The following ENTREP2 variants were observed in gnomAD, a reference collection of about 807,000 sequenced individuals.
ENTREP2 encodes the protein protein ENTREP2.
chr15:29,294,635 A>C, the ENTREP2 span, among the ~76,000 whole-genome samples: 3 of 152,186 alleles, frequency 2.0e-5, no homozygotes, highest in Non-Finnish European at 2.9e-5. Flanking sequence ...CCATATATAA[A>C]CAAGGGTAAA....
At chr15:29,303,809 T>C in the ENTREP2 span, among the ~76,000 whole-genome samples, 1 of 152,330 alleles carries the variant, frequency 6.6e-6, no homozygotes, top group East Asian at 1.9e-4. Context: ...TCTATGTTGC[T>C]GCAAAGGACA....
the ENTREP2 span, among the ~76,000 whole-genome samples, chr15:29,449,576 A>G: frequency 2.6e-5 from 4 of 152,270 alleles, no homozygotes; most frequent in Non-Finnish European, 1.5e-5. Context: ...CATGTTAGTC[A>G]CACTAAAGAA....
At chr15:29,479,296 C>A in the ENTREP2 span, among the ~76,000 whole-genome samples, 47 of 152,082 alleles carry the variant, frequency 3.1e-4, no homozygotes, top group African/African-American at 1.0e-3. Flanking sequence ...GCTTTGCCTT[C>A]CTCTGTGAAT....
At chr15:29,556,772 C>T in the ENTREP2 span, among the ~76,000 whole-genome samples, 2 of 150,992 alleles carry the variant, frequency 1.3e-5, no homozygotes, top group African/African-American at 4.9e-5. Flanking sequence ...GCCCCCCCCC[C>T]GCCCCACATG....
At chr15:29,485,205 G>A in the ENTREP2 span, among the ~76,000 whole-genome samples, 5 of 152,274 alleles carry the variant, frequency 3.3e-5, no homozygotes, top group East Asian at 9.7e-4. Context: ...AGCAAAAATG[G>A]AATGGAGAGA....
At chr15:29,576,175 C>T in the ENTREP2 span, among the ~76,000 whole-genome samples, 1 of 152,152 alleles carries the variant, frequency 6.6e-6, no homozygotes, top group Non-Finnish European at 1.5e-5. Flanking sequence ...TAAATAAATC[C>T]ATACATCTAA....
the ENTREP2 span, among the ~76,000 whole-genome samples, chr15:29,372,108 G>A: frequency 6.6e-6 from 1 of 152,250 alleles, no homozygotes; most frequent in South Asian, 2.1e-4. Flanking sequence ...AATTATGGCA[G>A]AAAATACAGT....
the ENTREP2 span, among the ~76,000 whole-genome samples, chr15:29,160,708 CAAAAAAAAAAAAA>C: frequency 2.8e-5 from 1 of 36,266 alleles, no homozygotes; most frequent in South Asian, 1.1e-3. Context: ...GACTCTGTCT[CAAAAAAAAAAAAA>C]AAAAAAAAAA....
chr15:29,447,957 T>C, the ENTREP2 span, among the ~76,000 whole-genome samples: 1 of 151,950 alleles, frequency 6.6e-6, no homozygotes, highest in Non-Finnish European at 1.5e-5. Context: ...TCCCACCTAC[T>C]TGGGAGGCTA....
At chr15:29,142,943 T>C in the ENTREP2 span, among the ~76,000 whole-genome samples, 1 of 152,174 alleles carries the variant, frequency 6.6e-6, no homozygotes, top group Admixed American at 6.5e-5. Context: ...TCAACCACAT[T>C]GTATCATCAG....
the ENTREP2 span, among the ~76,000 whole-genome samples, chr15:29,342,189 G>A: frequency 1.3e-5 from 2 of 152,216 alleles, no homozygotes; most frequent in Non-Finnish European, 2.9e-5. Context: ...TACAGATGGC[G>A]ATGAGGGGAC....
chr15:29,269,183 TG>T, the ENTREP2 span: 1 of 1,614,180 alleles, frequency 6.2e-7, no homozygotes, highest in South Asian at 1.1e-5. Flanking sequence ...AGGCCCGTAG[TG>T]GGCGTGCCTT....
the ENTREP2 span, among the ~76,000 whole-genome samples, chr15:29,237,014 G>T: frequency 6.6e-6 from 1 of 152,136 alleles, no homozygotes; most frequent in Admixed American, 6.5e-5. Context: ...AATGTGTAAA[G>T]ATTACTACAT....
the ENTREP2 span, among the ~76,000 whole-genome samples, chr15:29,260,876 G>T: frequency 6.3e-3 from 965 of 152,168 alleles, 13 homozygotes; most frequent in African/African-American, 0.022. Flanking sequence ...GCATTATTAG[G>T]AATAAAGAGA....
chr15:29,408,878 A>G, the ENTREP2 span, among the ~76,000 whole-genome samples: 1 of 152,242 alleles, frequency 6.6e-6, no homozygotes, highest in Non-Finnish European at 1.5e-5. Flanking sequence ...GCTTTTCAAG[A>G]TAAATTACAA....
At chr15:29,327,391 G>A in the ENTREP2 span, among the ~76,000 whole-genome samples, 19 of 152,020 alleles carry the variant, frequency 1.2e-4, no homozygotes, top group Non-Finnish European at 5.9e-5. Context: ...TTAGGAGGTT[G>A]AGACTATCCT....
the ENTREP2 span, among the ~76,000 whole-genome samples, chr15:29,399,048 T>G: frequency 2.6e-5 from 4 of 152,170 alleles, no homozygotes; most frequent in Non-Finnish European, 4.4e-5. Flanking sequence ...CTGCTGGCCT[T>G]GAAGAAGTGG....
At chr15:29,207,056 T>C in the ENTREP2 span, among the ~76,000 whole-genome samples, 1 of 152,054 alleles carries the variant, frequency 6.6e-6, no homozygotes, top group Non-Finnish European at 1.5e-5. Context: ...TCAAAGCTAC[T>C]CGCCAAGCAG....
At chr15:29,376,551 AACACACACACACAC>A in the ENTREP2 span, 7 of 147,092 alleles carry the variant, frequency 4.8e-5, no homozygotes, top group Non-Finnish European at 1.1e-4. Flanking sequence ...CACTATGGTA[AACACACACACACAC>A]ACACACACAC....
Sources: gnomAD v4.1 joint callset for allele counts (sites outside exome capture counted in the v4.1 genomes callset) on GRCh38, gnomAD v4.1.1 for gene constraint, MANE v1.5 for transcripts, NCBI Gene and HGNC (gene_info 2026-07-23, HGNC 2026-07-21) for gene names.